The following ZNF565 variants were observed in gnomAD, a reference collection of about 807,000 sequenced individuals.
ZNF565 encodes zinc finger protein 565.
ZNF565 carries 27 observed loss-of-function variants against 39.4 expected under a neutral mutation model. The ratio of observed to expected loss-of-function variants is 0.69; its 90% CI spans 0.51 to 0.95. The LOEUF (loss-of-function observed/expected upper bound fraction) is 0.95. Ranked by LOEUF, ZNF565 falls within the 40% of genes least tolerant of loss-of-function variation. ZNF565 has a pLI of 0.00. For synonymous variants in ZNF565, 185 were observed against 216.6 expected (o/e 0.85, Z 1.28); for missense variants, 524 against 621.1 (o/e 0.84, Z 1.66).
At chr19:36,222,867 GGTTTT>G (rs1194977716) in intron 1 of ZNF565, among the ~76,000 whole-genome samples, 2 of 137,266 alleles carry the variant, frequency 1.5e-5, no homozygotes, top group Non-Finnish European at 3.3e-5. Flanking sequence ...AGAAATAAGA[GGTTTT>G]GTTTTAATTT....
chr19:36,198,340 T>C (rs766922049), intron 2 of ZNF565, among the ~76,000 whole-genome samples: 4 of 152,142 alleles, frequency 2.6e-5, no homozygotes, highest in Non-Finnish European at 5.9e-5. Context: ...GCAACATGAA[T>C]GGAACTGGAG....
At chr19:36,186,333 C>T (rs747946026) in intron 4 of ZNF565, among the ~76,000 whole-genome samples, 3 of 152,162 alleles carry the variant, frequency 2.0e-5, no homozygotes, top group Admixed American at 6.6e-5. Flanking sequence ...CTCAGCCTGA[C>T]AGCCCTAAAC....
chr19:36,196,878 C>T (rs1310117083), intron 2 of ZNF565, among the ~76,000 whole-genome samples: 3 of 151,652 alleles, frequency 2.0e-5, no homozygotes, highest in African/African-American at 4.8e-5. Context: ...GCCAACATGG[C>T]GAAATCCTGT....
chr19:36,204,591 G>A (rs1038497534), intron 1 of ZNF565, among the ~76,000 whole-genome samples: 6 of 152,314 alleles, frequency 3.9e-5, no homozygotes, highest in Admixed American at 2.0e-4. Flanking sequence ...TAGTATGTCT[G>A]AGAAACTAAA....
chr19:36,189,661 TAATA>T (rs1467895251), intron 4 of ZNF565, among the ~76,000 whole-genome samples: 3 of 152,062 alleles, frequency 2.0e-5, no homozygotes, highest in Admixed American at 6.6e-5. Flanking sequence ...TTTAAAAATC[TAATA>T]AATAAAAGAT....
At chr19:36,188,935 G>A (rs1975422438) in intron 4 of ZNF565, among the ~76,000 whole-genome samples, 1 of 152,008 alleles carries the variant, frequency 6.6e-6, no homozygotes. Context: ...GATACAAAAG[G>A]CCACATACTG....
At chr19:36,208,502 C>A (rs1401577783) in intron 1 of ZNF565, among the ~76,000 whole-genome samples, 3 of 152,142 alleles carry the variant, frequency 2.0e-5, no homozygotes, top group Non-Finnish European at 4.4e-5. Context: ...GCCCAGCCAA[C>A]AAGTTGATTC....
At chr19:36,205,679 T>G (rs969413956) in intron 1 of ZNF565, among the ~76,000 whole-genome samples, 8 of 150,914 alleles carry the variant, frequency 5.3e-5, no homozygotes, top group African/African-American at 2.0e-4. Flanking sequence ...TGAGAGGTAC[T>G]TGTACTTTTC....
intron 4 of ZNF565, among the ~76,000 whole-genome samples, chr19:36,185,041 C>G (rs899004846): frequency 6.6e-6 from 1 of 151,902 alleles, no homozygotes; most frequent in Non-Finnish European, 1.5e-5. Context: ...TCACTTGAAC[C>G]TAGGAGGCAG....
chr19:36,231,219 CT>C (rs1195773036), intron 1 of ZNF565, among the ~76,000 whole-genome samples: 1 of 151,546 alleles, frequency 6.6e-6, no homozygotes, highest in African/African-American at 2.4e-5. Context: ...AAAAGTTCTT[CT>C]TTTTTTTGAG....
At chr19:36,187,588 C>A (rs1225013421) in intron 4 of ZNF565, among the ~76,000 whole-genome samples, 1 of 151,298 alleles carries the variant, frequency 6.6e-6, no homozygotes, top group Non-Finnish European at 1.5e-5. Flanking sequence ...GATCTCCTGA[C>A]CTTGTGCTCC....
intron 1 of ZNF565, chr19:36,238,141 C>T (rs897197590): frequency 1.2e-5 from 2 of 167,060 alleles, no homozygotes; most frequent in Non-Finnish European, 2.9e-5. Context: ...TACTATATAT[C>T]TGTAAAATGC....
chr19:36,209,193 A>G (rs1189111625), intron 1 of ZNF565, among the ~76,000 whole-genome samples: 2 of 152,178 alleles, frequency 1.3e-5, no homozygotes, highest in Non-Finnish European at 2.9e-5. Context: ...AGAAAGTAAC[A>G]TTATTGGTTA....
chr19:36,188,900 A>C (rs1975421023), intron 4 of ZNF565, among the ~76,000 whole-genome samples: 1 of 152,210 alleles, frequency 6.6e-6, no homozygotes, highest in Non-Finnish European at 1.5e-5. Context: ...CTTGGATAAA[A>C]CATTATCCTT....
chr19:36,221,787 T>C (rs1427926803), intron 1 of ZNF565, among the ~76,000 whole-genome samples: 5 of 152,106 alleles, frequency 3.3e-5, no homozygotes, highest in African/African-American at 4.8e-5. Flanking sequence ...TTTTGTTTTT[T>C]GTTCTGTCAC....
At position 36,245,697 on chromosome 19, in the gene ZNF565, C is replaced by G. The variant is rs2029893721; in HGVS notation, c.-167G>C. 1.6e-6 allele frequency: 1 copy of G among 610,284 alleles called. No individual in the cohort carries two copies. Among genetic ancestry groups the G allele is most frequent in the East Asian group, 2.8e-5 (1 of 35,770 alleles). The allele number at this position is 610,284 out of a possible 1,614,324, so 37.8% of individuals were successfully genotyped here. A position where few individuals can be genotyped will look rare whatever the true frequency, so the allele number is the denominator to read the frequency against. ...GGGTTCAGGGTCTCTTAAGGACCCTCCGTTGACGATGCCTCGAGCTATGAC... is the reference window on the plus strand; with the variant it reads ...GGGTTCAGGGTCTCTTAAGGACCCTGCGTTGACGATGCCTCGAGCTATGAC... On this transcript the variant is annotated 5_prime_UTR_variant, in exon 1 of 5. Coordinates refer to the ZNF565 transcript ENST00000355114. The surrounding 1 kb of genome is among the most constrained non-coding windows in gnomAD (Gnocchi z 4.4).
chr19:36,220,463 C>T (rs1459660120), intron 1 of ZNF565, among the ~76,000 whole-genome samples: 1 of 151,984 alleles, frequency 6.6e-6, no homozygotes, highest in Admixed American at 6.6e-5. Context: ...CTCCTGGGTT[C>T]AAGTGATTCT....
At chr19:36,231,495 C>T (rs2145444477) in intron 1 of ZNF565, among the ~76,000 whole-genome samples, 1 of 152,292 alleles carries the variant, frequency 6.6e-6, no homozygotes, top group East Asian at 1.9e-4. Context: ...AGGCGGGAGC[C>T]ACTACACCTG....
intron 4 of ZNF565, among the ~76,000 whole-genome samples, chr19:36,190,950 C>G (rs1055818263): frequency 6.7e-6 from 1 of 148,954 alleles, no homozygotes; most frequent in African/African-American, 2.5e-5. Flanking sequence ...TGAGATCGTG[C>G]CACTGCACTC....
Sources: allele counts gnomAD v4.1 joint callset (sites outside exome capture counted in the v4.1 genomes callset), GRCh38; gene constraint gnomAD v4.1.1; non-coding constraint Gnocchi (gnomAD v3.1); transcripts MANE v1.5; gene names NCBI Gene and HGNC (gene_info 2026-07-23, HGNC 2026-07-21).